DPYSL3: variants seen among roughly 807,000 people sequenced by gnomAD.
DPYSL3 encodes dihydropyrimidinase like 3.
In DPYSL3, 16 loss-of-function variants were observed where a neutral mutation model predicts 66.1. That is an observed-to-expected ratio of 0.24 (90% CI 0.16 to 0.37). The LOEUF (loss-of-function observed/expected upper bound fraction) is 0.37. Among genes scored for constraint, DPYSL3 ranks in the 10% least tolerant of loss-of-function variants. The probability of loss-of-function intolerance (pLI) is 1.00; values close to 1 mark genes in which losing one functional copy is unlikely to be tolerated. For synonymous variants in DPYSL3, 338 were observed against 345.1 expected (o/e 0.98, Z 0.23); for missense variants, 738 against 916.2 (o/e 0.81, Z 2.51).
intron 1 of DPYSL3, among the ~76,000 whole-genome samples, chr5:147,435,616 C>CA (rs777557863): frequency 6.6e-6 from 1 of 151,470 alleles, no homozygotes; most frequent in Non-Finnish European, 1.5e-5. Flanking sequence ...GAAGGATCTT[C>CA]AAAAAATAAG....
rs1561778288 is a variant in DPYSL3, at chr5:147,413,633, A to G, written c.845T>C (p.Met282Thr). ...TACTTGATACAAATCCTTATAAGCC[A>G]TATAAACCATGAAGGAGTTAACCCC... ...DKGVNSFMVYMAYKDLYQVSN... is the reference protein window; with the variant it reads ...DKGVNSFMVYTAYKDLYQVSN... Residue 282 changes from methionine to threonine, a missense_variant, in exon 5 of 14, where the codon ATG becomes ACG. Physicochemically the swap from Met to Thr is moderately conservative, Grantham distance 81. Coordinates refer to ENST00000343218, the MANE Select transcript of DPYSL3 (RefSeq NM_001197294.2). The G allele has an allele frequency of 1.2e-6, 2 of 1,613,166 alleles. No homozygotes were observed. Among genetic ancestry groups the G allele is most frequent in the African/African-American group, 1.3e-5 (1 of 75,012 alleles).
At chr5:147,403,124 G>C (rs1758240997) in intron 8 of DPYSL3, among the ~76,000 whole-genome samples, 1 of 152,132 alleles carries the variant, frequency 6.6e-6, no homozygotes, top group Non-Finnish European at 1.5e-5. Context: ...GGTCTCAGTA[G>C]AAAAGACTCA....
At chr5:147,434,291 G>C (rs1444915884) in intron 1 of DPYSL3, among the ~76,000 whole-genome samples, 1 of 152,132 alleles carries the variant, frequency 6.6e-6, no homozygotes, top group African/African-American at 2.4e-5. Flanking sequence ...GTCCCTCTTT[G>C]GTCTGGATTT....
At position 147,509,753 on chromosome 5, in the gene DPYSL3, C is replaced by T; in HGVS notation, c.106G>A (p.Gly36Ser). 1 of 1,536,010 alleles carries T rather than the reference C, an allele frequency of 6.5e-7. No individual in the cohort carries two copies. Residue 36 changes from glycine to serine, a missense_variant, in exon 1 of 14, where the codon GGC (glycine) becomes AGC (serine). Gly to Ser is a moderately conservative substitution (Grantham distance 56). Coordinates refer to ENST00000343218, the MANE Select transcript of DPYSL3 (RefSeq NM_001197294.2). The surrounding 1 kb of genome is among the most constrained non-coding windows in gnomAD (Gnocchi z 5.3). Reference sequence around the variant, plus strand: ...GCGCCCTCCACGTTGCAGAACATGCCGCCGTATTTCTGCCGCGGGACCTGG... The same window carrying T: ...GCGCCCTCCACGTTGCAGAACATGCTGCCGTATTTCTGCCGCGGGACCTGG... ...TDQVPRQKYG[G>S]MFCNVEGAFE...
At chr5:147,485,508 T>C (rs1753315736) in intron 1 of DPYSL3, among the ~76,000 whole-genome samples, 1 of 152,226 alleles carries the variant, frequency 6.6e-6, no homozygotes, top group Admixed American at 6.5e-5. Context: ...TATTACTAAA[T>C]ATTTCAGTCG....
chr5:147,404,563 A>C (rs1758282871), intron 8 of DPYSL3, among the ~76,000 whole-genome samples: 1 of 152,158 alleles, frequency 6.6e-6, no homozygotes, highest in Non-Finnish European at 1.5e-5. Flanking sequence ...AAATCCTCTC[A>C]CAACCCAACA....
intron 1 of DPYSL3, among the ~76,000 whole-genome samples, chr5:147,502,677 C>T (rs1019014725): frequency 6.6e-6 from 1 of 151,468 alleles, no homozygotes; most frequent in Non-Finnish European, 1.5e-5. Context: ...CCCGGGTTCC[C>T]GCCATTCTCC....
At chr5:147,427,855 T>G (rs1372498945) in intron 1 of DPYSL3, among the ~76,000 whole-genome samples, 1 of 152,184 alleles carries the variant, frequency 6.6e-6, no homozygotes, top group African/African-American at 2.4e-5. Context: ...ACTCAATGCT[T>G]TCCTGATTTT....
chr5:147,461,788 C>T (rs539376401), intron 1 of DPYSL3, among the ~76,000 whole-genome samples: 105 of 152,218 alleles, frequency 6.9e-4, no homozygotes, highest in African/African-American at 2.0e-3. Flanking sequence ...GTTCACTGAT[C>T]CACCTAGCAG....
At position 147,401,581 on chromosome 5, in the gene DPYSL3, A is replaced by T; in HGVS notation, c.1269T>A (p.Pro423=). 1 of 1,613,694 alleles carries T rather than the reference A, an allele frequency of 6.2e-7. No homozygotes were observed. The change falls in exon 9 of 14, where the codon CCT becomes CCA. Residue 423 remains proline, a synonymous_variant. Transcript: ENST00000343218. ...AAFVTSPPLS[P]DPTTPDYINS... Reference sequence around the variant, plus strand: ...TGATGTAGTCCGGAGTAGTTGGGTCAGGGCTCAGGGGTGGGGATGTCACAA... The same window carrying T: ...TGATGTAGTCCGGAGTAGTTGGGTCTGGGCTCAGGGGTGGGGATGTCACAA...
At chr5:147,482,443 G>A (rs1234950698) in intron 1 of DPYSL3, among the ~76,000 whole-genome samples, 1 of 152,194 alleles carries the variant, frequency 6.6e-6, no homozygotes, top group African/African-American at 2.4e-5. Flanking sequence ...GTAAGGATAG[G>A]TGGCACACAC....
intron 7 of DPYSL3, among the ~76,000 whole-genome samples, chr5:147,407,265 C>T (rs1344304581): frequency 2.0e-5 from 3 of 152,272 alleles, no homozygotes; most frequent in Admixed American, 2.0e-4. Context: ...TGGAAGGTTA[C>T]ATCACCCTCC....
At chr5:147,403,107 T>C (rs773550161) in intron 8 of DPYSL3, among the ~76,000 whole-genome samples, 35 of 152,130 alleles carry the variant, frequency 2.3e-4, no homozygotes, top group Non-Finnish European at 5.1e-4. Context: ...ATTCTAATAA[T>C]GCGCGGGGTC....
At chr5:147,499,067 A>T (rs1753564931) in intron 1 of DPYSL3, among the ~76,000 whole-genome samples, 1 of 151,954 alleles carries the variant, frequency 6.6e-6, no homozygotes. Context: ...TTTACATTTC[A>T]CTCTTTAATC....
At chr5:147,489,047 A>T (rs1186209479) in intron 1 of DPYSL3, among the ~76,000 whole-genome samples, 1 of 151,860 alleles carries the variant, frequency 6.6e-6, no homozygotes, top group African/African-American at 2.4e-5. Context: ...AAGAAAAAAT[A>T]TATCATTAGG....
rs1384086592 is a variant in DPYSL3 at position 147,475,263 on chromosome 5, A to G, written c.381+34215T>C. 2.0e-5 allele frequency among the ~76,000 whole-genome samples: 3 copies of G among 152,130 alleles called. No homozygotes were observed. The East Asian group carries it at 5.8e-4, about 29-fold the overall frequency. On this transcript the variant is annotated intron_variant, in intron 1 of 13. Coordinates refer to ENST00000343218, the MANE Select transcript of DPYSL3 (RefSeq NM_001197294.2). ...TGCCACCTACCTAACAGTATTGTACAGATGTTAGTTTCTTGGTTTTAATAT... is the reference window on the plus strand; with the variant it reads ...TGCCACCTACCTAACAGTATTGTACGGATGTTAGTTTCTTGGTTTTAATAT...
At chr5:147,398,013 T>C (rs771688319) in intron 11 of DPYSL3, among the ~76,000 whole-genome samples, 168 bp from the exon 12 acceptor site, 47 of 152,144 alleles carry the variant, frequency 3.1e-4, no homozygotes, top group Non-Finnish European at 5.9e-4. Flanking sequence ...CGGAGACAGA[T>C]TTACTAAGAC....
intron 2 of DPYSL3, among the ~76,000 whole-genome samples, chr5:147,419,385 G>C (rs1424047322): frequency 6.6e-6 from 1 of 152,208 alleles, no homozygotes; most frequent in African/African-American, 2.4e-5. Flanking sequence ...ATAGGGGGGA[G>C]ACTCAGGCAG....
In DPYSL3 at chr5:147,397,423, A is replaced by C. The variant is rs2304047; in HGVS notation, c.1803+243T>G. The stretch of plus-strand genomic sequence containing the variant: ...AATTATTCGAATTTAAATTATTTTT[A>C]ATAAAGTACTATAAAAATGTGGGAA... On this transcript the variant is annotated intron_variant, in intron 12 of 13. Transcript: ENST00000343218. Among the ~76,000 whole-genome samples, 1,983 of 152,280 alleles carry C rather than the reference A, an allele frequency of 0.013. 127 individuals are homozygous for C. The East Asian group carries it at 0.19, about 14-fold the overall frequency.
Sources: gnomAD v4.1 joint callset for allele counts (sites outside exome capture counted in the v4.1 genomes callset) on GRCh38, gnomAD v4.1.1 for gene constraint, Gnocchi (gnomAD v3.1) non-coding constraint, MANE v1.5 for transcripts, NCBI Gene and HGNC (gene_info 2026-07-23, HGNC 2026-07-21) for gene names.